Variants in RCAN2 observed in about 807,000 individuals in gnomAD.
RCAN2 encodes calcipressin-2.
RCAN2 carries 9 observed loss-of-function variants against 23.6 expected under a neutral mutation model. The ratio of observed to expected loss-of-function variants is 0.38; its 90% CI spans 0.23 to 0.67. The LOEUF (loss-of-function observed/expected upper bound fraction) is 0.67, where lower values mean the gene tolerates loss of function less well. Ranked by LOEUF, RCAN2 falls within the 30% of genes least tolerant of loss-of-function variation. The probability of loss-of-function intolerance (pLI) is 0.51; values close to 1 mark genes in which losing one functional copy is unlikely to be tolerated. For synonymous variants in RCAN2, 109 were observed against 115.7 expected (o/e 0.94, Z 0.37); for missense variants, 273 against 302.3 (o/e 0.90, Z 0.72).
At chr6:46,253,714 C>T (rs1766810009) in intron 2 of RCAN2, among the ~76,000 whole-genome samples, 2 of 152,000 alleles carry the variant, frequency 1.3e-5, no homozygotes, top group Non-Finnish European at 2.9e-5. Context: ...AATAGAAATA[C>T]AGTCATGCAC....
At chr6:46,335,153 G>C (rs1272934144) in intron 2 of RCAN2, among the ~76,000 whole-genome samples, 1 of 152,174 alleles carries the variant, frequency 6.6e-6, no homozygotes, top group Non-Finnish European at 1.5e-5. Context: ...CCAGTCCCCT[G>C]TGATGTCAGA....
chr6:46,395,978 G>T (rs1766078454), intron 2 of RCAN2, among the ~76,000 whole-genome samples: 1 of 152,084 alleles, frequency 6.6e-6, no homozygotes, highest in Admixed American at 6.6e-5. Context: ...AACCCTGCAC[G>T]TCACACATTT....
chr6:46,275,008 T>C (rs958817833), intron 2 of RCAN2, among the ~76,000 whole-genome samples: 3 of 152,202 alleles, frequency 2.0e-5, no homozygotes, highest in African/African-American at 7.2e-5. Flanking sequence ...TAGTGGCGGA[T>C]ACTGATTGGC....
chr6:46,269,075 G>C (rs1227789700), intron 2 of RCAN2, among the ~76,000 whole-genome samples: 1 of 152,110 alleles, frequency 6.6e-6, no homozygotes, highest in African/African-American at 2.4e-5. Context: ...CATTCAGTGG[G>C]CTCTTATTGT....
At chr6:46,424,881 A>G (rs1415049624) in intron 2 of RCAN2, among the ~76,000 whole-genome samples, 1 of 152,210 alleles carries the variant, frequency 6.6e-6, no homozygotes, top group East Asian at 1.9e-4. Flanking sequence ...AAACAAATGC[A>G]TATTGGGGGC....
intron 2 of RCAN2, among the ~76,000 whole-genome samples, chr6:46,377,903 A>G (rs964869432): frequency 5.3e-5 from 8 of 152,220 alleles, no homozygotes; most frequent in African/African-American, 1.9e-4. Flanking sequence ...AATTTTCTAC[A>G]TAATAGATAC....
chr6:46,322,253 TC>T (rs1321696476), intron 2 of RCAN2, among the ~76,000 whole-genome samples: 2 of 152,176 alleles, frequency 1.3e-5, no homozygotes, highest in African/African-American at 4.8e-5. Flanking sequence ...ACACAGAAAT[TC>T]TGCAGTTCCC....
At chr6:46,228,112 T>C (rs1285637792) in intron 4 of RCAN2, among the ~76,000 whole-genome samples, 1 of 152,258 alleles carries the variant, frequency 6.6e-6, no homozygotes, top group Non-Finnish European at 1.5e-5. Context: ...TCCTGAATTC[T>C]AGTTTGATTG....
intron 2 of RCAN2, among the ~76,000 whole-genome samples, chr6:46,260,737 G>T (rs1755837735): frequency 1.3e-5 from 2 of 152,162 alleles, no homozygotes; most frequent in South Asian, 4.1e-4. Flanking sequence ...ATGGCTGCAA[G>T]TCTCTTGCCT....
chr6:46,349,896 G>A (rs1015513246), intron 2 of RCAN2, among the ~76,000 whole-genome samples: 6 of 152,084 alleles, frequency 3.9e-5, no homozygotes, highest in African/African-American at 1.4e-4. Flanking sequence ...ATCATTCCCT[G>A]CTCTCACCCT....
At chr6:46,307,930 TACAGTAATTATA>T (rs1458560316) in intron 2 of RCAN2, among the ~76,000 whole-genome samples, 3 of 152,226 alleles carry the variant, frequency 2.0e-5, no homozygotes, top group Middle Eastern at 3.2e-3. Flanking sequence ...CTTTATGTGT[TACAGTAATTATA>T]ACAGTAATTA....
chr6:46,323,436 G>A (rs1763683725), intron 2 of RCAN2, among the ~76,000 whole-genome samples: 1 of 151,446 alleles, frequency 6.6e-6, no homozygotes, highest in Non-Finnish European at 1.5e-5. Flanking sequence ...AGAGCTATTG[G>A]CAGTAAATAC....
intron 2 of RCAN2, among the ~76,000 whole-genome samples, chr6:46,398,249 C>T (rs1309273648): frequency 1.3e-5 from 2 of 152,002 alleles, no homozygotes. Context: ...TGTTTTTCTT[C>T]TTTTGACATC....
chr6:46,338,920 CAGG>C (rs1380484134), intron 2 of RCAN2, among the ~76,000 whole-genome samples: 3 of 137,430 alleles, frequency 2.2e-5, no homozygotes, highest in Non-Finnish European at 4.7e-5. Context: ...GAAGCTGAGG[CAGG>C]AGAATTGCTT....
intron 2 of RCAN2, among the ~76,000 whole-genome samples, chr6:46,341,579 A>G (rs1764318371): frequency 6.6e-6 from 1 of 152,090 alleles, no homozygotes; most frequent in Admixed American, 6.6e-5. Flanking sequence ...TGGGTGGATC[A>G]TGAGTTCAGG....
chr6:46,367,884 A>T (rs535098606), intron 2 of RCAN2, among the ~76,000 whole-genome samples: 3 of 152,184 alleles, frequency 2.0e-5, no homozygotes, highest in Non-Finnish European at 4.4e-5. Flanking sequence ...AATTTTAAAA[A>T]ATTGTACTGT....
intron 1 of RCAN2, among the ~76,000 whole-genome samples, chr6:46,487,228 G>C (rs532345809): frequency 4.6e-5 from 7 of 152,192 alleles, no homozygotes; most frequent in Non-Finnish European, 1.0e-4. Flanking sequence ...AAGAAGAATT[G>C]AAAACTCTGT....
At position 46,341,150 on chromosome 6, in the gene RCAN2, CATTATG is replaced by C. The variant is rs1340176769; in HGVS notation, c.226-92260_226-92255del. Among the ~76,000 whole-genome samples, 7 of 152,152 alleles carry C rather than the reference CATTATG, an allele frequency of 4.6e-5. No homozygotes were observed. In the East Asian group the frequency reaches 1.2e-3, roughly 25 times the overall value. ...AATAAGTAAGAAATAATTGGAAATA[CATTATG>C]ATTATATCTCTGAATCTTGTCAAGC... On this transcript the variant is annotated intron_variant, in intron 2 of 4. Transcript: ENST00000371374.
intron 2 of RCAN2, among the ~76,000 whole-genome samples, chr6:46,400,817 A>G (rs903309386): frequency 2.0e-5 from 3 of 152,226 alleles, no homozygotes; most frequent in Non-Finnish European, 1.5e-5. Flanking sequence ...TTGTAAGAAA[A>G]GAATGGCTGG....
Sources: allele counts gnomAD v4.1 joint callset (sites outside exome capture counted in the v4.1 genomes callset), GRCh38; gene constraint gnomAD v4.1.1; transcripts MANE v1.5; gene names NCBI Gene and HGNC (gene_info 2026-07-23, HGNC 2026-07-21).